The following COP1 variants were observed in gnomAD, a reference collection of about 807,000 sequenced individuals.
The protein encoded by COP1 is COP1 E3 ubiquitin ligase.
A neutral mutation model predicts 101.3 loss-of-function variants in COP1; 24 were observed. The ratio of observed to expected loss-of-function variants is 0.24; its 90% CI spans 0.17 to 0.33. COP1 has a LOEUF of 0.33. Ranked by LOEUF, COP1 falls within the 10% of genes least tolerant of loss-of-function variation. The probability of loss-of-function intolerance (pLI) is 1.00; values close to 1 mark genes in which losing one functional copy is unlikely to be tolerated. For missense variants in COP1, 663 were observed against 906.2 expected (o/e 0.73, Z 3.45); for synonymous variants, 347 against 341.9 (o/e 1.01, Z -0.17).
intron 9 of COP1, among the ~76,000 whole-genome samples, chr1:176,091,265 G>T (rs1681222150): frequency 6.6e-6 from 1 of 151,900 alleles, no homozygotes; most frequent in African/African-American, 2.4e-5. Context: ...TTGAACCCAG[G>T]AGGCAGAGGT....
intron 8 of COP1, among the ~76,000 whole-genome samples, chr1:176,122,045 CAGG>C (rs1309699658): frequency 1.3e-5 from 2 of 149,410 alleles, no homozygotes; most frequent in Non-Finnish European, 3.0e-5. Context: ...GAGGCTGAGG[CAGG>C]AGAATGGTGT....
chr1:175,963,635 T>A (rs574825830), intron 18 of COP1, among the ~76,000 whole-genome samples: 2 of 152,272 alleles, frequency 1.3e-5, no homozygotes, highest in East Asian at 3.9e-4. Flanking sequence ...ACTTAATAGA[T>A]GTGTTTGTTT....
chr1:175,971,794 C>A (rs1267552725), intron 18 of COP1, among the ~76,000 whole-genome samples: 1 of 152,182 alleles, frequency 6.6e-6, no homozygotes, highest in Non-Finnish European at 1.5e-5. Flanking sequence ...ATGTTCTAGC[C>A]TTTGCTTTTG....
chr1:176,067,660 C>T (rs536636421), intron 11 of COP1, among the ~76,000 whole-genome samples: 36 of 152,314 alleles, frequency 2.4e-4, no homozygotes, highest in African/African-American at 8.2e-4. Flanking sequence ...AAAGCTTGCA[C>T]TCATTCTCCA....
chr1:176,029,984 C>G (rs1036211998), intron 14 of COP1, among the ~76,000 whole-genome samples: 2 of 152,068 alleles, frequency 1.3e-5, no homozygotes, highest in Non-Finnish European at 2.9e-5. Context: ...AGGTCTCAAA[C>G]TCTGCCACCC....
intron 15 of COP1, among the ~76,000 whole-genome samples, chr1:176,006,122 T>C (rs1036508592): frequency 2.5e-4 from 38 of 152,204 alleles, no homozygotes; most frequent in Non-Finnish European, 2.5e-4. Flanking sequence ...TTGTCTGTTT[T>C]GATCTTTGTT....
chr1:176,073,243 A>G (rs1056302798), intron 11 of COP1, among the ~76,000 whole-genome samples: 5 of 152,230 alleles, frequency 3.3e-5, no homozygotes, highest in African/African-American at 1.2e-4. Context: ...AACACACTCC[A>G]CATTACCAGT....
At chr1:176,026,362 A>G (rs1039342791) in intron 15 of COP1, among the ~76,000 whole-genome samples, 1 of 152,020 alleles carries the variant, frequency 6.6e-6, no homozygotes, top group Non-Finnish European at 1.5e-5. Context: ...AATAACAACT[A>G]TAAGAACTTT....
intron 4 of COP1, 38 bp downstream of exon 4, chr1:176,163,776 TG>T: frequency 7.9e-7 from 1 of 1,268,522 alleles, no homozygotes; most frequent in Non-Finnish European, 1.1e-6. Context: ...AACAACAAAA[TG>T]AAATTTATTA....
intron 8 of COP1, among the ~76,000 whole-genome samples, chr1:176,134,244 A>T (rs1315868844): frequency 2.6e-5 from 4 of 152,052 alleles, no homozygotes; most frequent in African/African-American, 9.7e-5. Context: ...ATTCCATTAA[A>T]TCGTTATCCT....
chr1:176,134,603 G>A (rs940001221), intron 8 of COP1, among the ~76,000 whole-genome samples: 3 of 151,994 alleles, frequency 2.0e-5, no homozygotes, highest in African/African-American at 7.2e-5. Context: ...TGTGGGAAAA[G>A]TGATCTGTCC....
chr1:176,180,799 AT>A, intron 2 of COP1, among the ~76,000 whole-genome samples: 1 of 152,358 alleles, frequency 6.6e-6, no homozygotes, highest in South Asian at 2.1e-4. Flanking sequence ...AGAACCAGTC[AT>A]TACATCTAAT....
chr1:175,994,195 G>C (rs1452523610), intron 15 of COP1, among the ~76,000 whole-genome samples: 1 of 152,176 alleles, frequency 6.6e-6, no homozygotes, highest in Non-Finnish European at 1.5e-5. Context: ...AACAAATGCT[G>C]AGAGAATCTG....
At position 176,019,909 on chromosome 1, in the gene COP1, T is replaced by A. The variant is rs148290943; in HGVS notation, c.1729+7663A>T. Among the ~76,000 whole-genome samples, 400 of 152,296 alleles carry A rather than the reference T, an allele frequency of 2.6e-3. 3 individuals carry two copies. The highest frequency in any genetic ancestry group is 9.2e-3 in the African/African-American group (382 of 41,580). Reference sequence around the variant, plus strand: ...TTACAGGAAACATTTATTTCCAATATGATCTATTTATATATGTTCATGATT... The same window carrying A: ...TTACAGGAAACATTTATTTCCAATAAGATCTATTTATATATGTTCATGATT... On this transcript the variant is annotated intron_variant, in intron 15 of 19. Coordinates refer to ENST00000367669, the MANE Select transcript of COP1 (RefSeq NM_022457.7).
intron 18 of COP1, among the ~76,000 whole-genome samples, chr1:175,952,187 C>T (rs572153781): frequency 1.3e-5 from 2 of 151,798 alleles, no homozygotes; most frequent in Non-Finnish European, 2.9e-5. Context: ...TTTGGGAGGC[C>T]ATGGCAGGCG....
chr1:176,002,617 T>C (rs1212775062), intron 15 of COP1, among the ~76,000 whole-genome samples: 1 of 146,570 alleles, frequency 6.8e-6, no homozygotes. Flanking sequence ...TTTGGTTTTT[T>C]GTTCTTGTGA....
intron 11 of COP1, among the ~76,000 whole-genome samples, chr1:176,053,470 C>A (rs935870994): frequency 2.6e-5 from 4 of 152,082 alleles, no homozygotes; most frequent in African/African-American, 9.7e-5. Context: ...TTATTCCTTG[C>A]CTAATTGTTA....
At chr1:176,086,020 G>A (rs1680068202) in intron 9 of COP1, 130 bp from the exon 10 acceptor site, 1 of 476,328 alleles carries the variant, frequency 2.1e-6, no homozygotes, top group South Asian at 5.7e-5. Flanking sequence ...GTAAAAAACT[G>A]TAATTCTGAG....
intron 6 of COP1, among the ~76,000 whole-genome samples, chr1:176,139,075 T>C (rs1023102767): frequency 6.6e-6 from 1 of 150,986 alleles, no homozygotes; most frequent in African/African-American, 2.4e-5. Context: ...CGTAAATAAA[T>C]GAAAAACAAA....
Sources: gnomAD v4.1 joint callset for allele counts (sites outside exome capture counted in the v4.1 genomes callset) on GRCh38, gnomAD v4.1.1 for gene constraint, MANE v1.5 for transcripts, NCBI Gene and HGNC (gene_info 2026-07-23, HGNC 2026-07-21) for gene names.